The following GABRG3 variants were observed in gnomAD, a reference collection of about 807,000 sequenced individuals.
GABRG3 encodes the protein gamma-aminobutyric acid receptor subunit gamma-3.
A neutral mutation model predicts 48.8 loss-of-function variants in GABRG3; 25 were observed. The ratio of observed to expected loss-of-function variants is 0.51; its 90% CI spans 0.37 to 0.72. The LOEUF is 0.72. Ranked by LOEUF, GABRG3 falls within the 30% of genes least tolerant of loss-of-function variation. The pLI, the probability that GABRG3 is intolerant of heterozygous loss-of-function variation, is 0.00. For synonymous variants in GABRG3, 227 were observed against 217.6 expected (o/e 1.04, Z -0.38); for missense variants, 394 against 577.9 (o/e 0.68, Z 3.26).
At chr15:27,339,045 C>A (rs1481152966) in intron 5 of GABRG3, among the ~76,000 whole-genome samples, 2 of 152,176 alleles carry the variant, frequency 1.3e-5, no homozygotes, top group African/African-American at 4.8e-5. Context: ...TCCCCCATGT[C>A]TTTTGCTGTG....
At chr15:27,089,867 G>A (rs181022233) in intron 3 of GABRG3, among the ~76,000 whole-genome samples, 2 of 152,318 alleles carry the variant, frequency 1.3e-5, no homozygotes, top group African/African-American at 2.4e-5. Flanking sequence ...GCTGCACCCC[G>A]TGTCAGTACT....
At chr15:27,417,270 T>A (rs1340911579) in intron 5 of GABRG3, among the ~76,000 whole-genome samples, 1 of 152,184 alleles carries the variant, frequency 6.6e-6, no homozygotes, top group African/African-American at 2.4e-5. Context: ...AATTGAGATT[T>A]CTGGCCCCAT....
chr15:27,000,115 T>C (rs1208419301), intron 2 of GABRG3, among the ~76,000 whole-genome samples: 1 of 152,260 alleles, frequency 6.6e-6, no homozygotes, highest in East Asian at 1.9e-4. Context: ...CTAGCATTTG[T>C]ATCAGCCTGG....
intron 5 of GABRG3, chr15:27,418,907 G>C (rs1675097401): frequency 6.6e-6 from 1 of 152,134 alleles, no homozygotes; most frequent in Non-Finnish European, 1.5e-5. Context: ...GTCTCAGGAA[G>C]TGGTTGCCAT....
At chr15:27,086,698 C>A (rs1157436396) in intron 3 of GABRG3, among the ~76,000 whole-genome samples, 1 of 152,182 alleles carries the variant, frequency 6.6e-6, no homozygotes, top group Non-Finnish European at 1.5e-5. Context: ...TTAGGTAAAG[C>A]ATGCAAAAAA....
intron 3 of GABRG3, among the ~76,000 whole-genome samples, chr15:27,315,879 C>G (rs1893196070): frequency 6.6e-6 from 1 of 152,150 alleles, no homozygotes; most frequent in Non-Finnish European, 1.5e-5. Flanking sequence ...TTATGTAGCT[C>G]AAGCTACTTT....
intron 3 of GABRG3, among the ~76,000 whole-genome samples, chr15:27,313,260 G>GTATA (rs1391208486): frequency 1.2e-3 from 59 of 49,524 alleles, no homozygotes; most frequent in African/African-American, 2.5e-3. Context: ...GTGTGTGTGT[G>GTATA]TGTATATATA....
At chr15:27,379,463 A>G (rs1895698519) in intron 5 of GABRG3, among the ~76,000 whole-genome samples, 1 of 152,236 alleles carries the variant, frequency 6.6e-6, no homozygotes, top group African/African-American at 2.4e-5. Flanking sequence ...AGATCAATTA[A>G]GAATAAGAAA....
chr15:27,505,247 C>T (rs1168410836), intron 6 of GABRG3, among the ~76,000 whole-genome samples: 1 of 152,098 alleles, frequency 6.6e-6, no homozygotes, highest in Non-Finnish European at 1.5e-5. Context: ...CTCATTGTAT[C>T]ACATAGGGAT....
intron 3 of GABRG3, among the ~76,000 whole-genome samples, chr15:27,163,536 A>T (rs980027474): frequency 6.6e-6 from 1 of 152,048 alleles, no homozygotes; most frequent in Non-Finnish European, 1.5e-5. Flanking sequence ...ACTAGGATCA[A>T]ATAGGTAATA....
intron 3 of GABRG3, among the ~76,000 whole-genome samples, chr15:27,124,783 T>A (rs984080133): frequency 1.6e-4 from 24 of 151,970 alleles, no homozygotes; most frequent in African/African-American, 5.3e-4. Flanking sequence ...CAAGGCCCCA[T>A]AAAGGTTATC....
chr15:27,317,792 A>G (rs985378004), intron 3 of GABRG3, among the ~76,000 whole-genome samples: 1 of 152,032 alleles, frequency 6.6e-6, no homozygotes, highest in African/African-American at 2.4e-5. Flanking sequence ...AGGTTTTTTC[A>G]AGACATCCCA....
At chr15:27,527,348 C>A (rs1194200937) in intron 7 of GABRG3, 85 bp from the exon 8 acceptor site, 25 of 1,271,238 alleles carry the variant, frequency 2.0e-5, no homozygotes, top group Non-Finnish European at 2.8e-5. Context: ...GGCAGCCGTG[C>A]TGGGGTGGAG....
chr15:27,494,872 A>T (rs1018685645), intron 6 of GABRG3, among the ~76,000 whole-genome samples: 2 of 151,830 alleles, frequency 1.3e-5, no homozygotes, highest in Admixed American at 1.3e-4. Context: ...ATTCTACTTG[A>T]TTTGGGTTTA....
Position 27,062,434 on chromosome 15 carries a change from T to TAAAAAAAAA in GABRG3, c.270+35629_270+35637dup, listed in dbSNP as rs57903886. Among the ~76,000 whole-genome samples the TAAAAAAAAA allele has an allele frequency of 1.9e-3, 64 of 32,864 alleles. 7 individuals carry two copies. The highest frequency in any genetic ancestry group is 3.4e-3 in the Non-Finnish European group (40 of 11,808). 21.6% of individuals were successfully genotyped at this position (32,864 alleles called of 152,430 possible). On this transcript the variant is annotated intron_variant, in intron 3 of 9. Coordinates refer to ENST00000615808, the MANE Select transcript of GABRG3 (RefSeq NM_033223.5). ...CAACATGGTGAAACTCCATCTCTAC[T>TAAAAAAAAA]AAAAAAAAAAAAAAAAAAAAAAAAT...
chr15:27,088,878 CG>C (rs1292653630), intron 3 of GABRG3, among the ~76,000 whole-genome samples: 3 of 151,784 alleles, frequency 2.0e-5, no homozygotes, highest in East Asian at 3.9e-4. Context: ...TGAAGGGAGA[CG>C]GGGTGAGCCA....
At position 27,349,851 on chromosome 15, in the gene GABRG3, A is replaced by G. The variant is rs544740924; in HGVS notation, c.574+20963A>G. Among the ~76,000 whole-genome samples, 46 of 151,760 alleles carry G rather than the reference A, an allele frequency of 3.0e-4. 1 individual carries two copies. The highest frequency in any genetic ancestry group is 1.0e-3 in the African/African-American group (42 of 41,354). ...GCACTGGATTCTCTCTCCCCGGGAC[A>G]TGTCCTTTCTGGCTCTCTATAAAGT... On this transcript the variant is annotated intron_variant, in intron 5 of 9. Transcript: ENST00000615808.
At chr15:27,298,243 G>A (rs1892069979) in intron 3 of GABRG3, among the ~76,000 whole-genome samples, 1 of 152,160 alleles carries the variant, frequency 6.6e-6, no homozygotes, top group Non-Finnish European at 1.5e-5. Context: ...CAGGAATCTA[G>A]GCTGAAAGTA....
intron 3 of GABRG3, among the ~76,000 whole-genome samples, chr15:27,316,960 G>T (rs1893252443): frequency 6.6e-6 from 1 of 152,196 alleles, no homozygotes. Flanking sequence ...ACGAAGTACT[G>T]TCTATTGTTT....
Sources: allele counts gnomAD v4.1 joint callset (sites outside exome capture counted in the v4.1 genomes callset), GRCh38; gene constraint gnomAD v4.1.1; transcripts MANE v1.5; gene names NCBI Gene and HGNC (gene_info 2026-07-23, HGNC 2026-07-21).